Variants in GSR observed in about 807,000 individuals in gnomAD.
GSR encodes the protein glutathione-disulfide reductase, also known as glutathione reductase, mitochondrial.
GSR carries 48 observed loss-of-function variants against 56.5 expected under a neutral mutation model. That is an observed-to-expected ratio of 0.85 (90% CI 0.67 to 1.08). The LOEUF is 1.08. GSR is among the 50% of genes least tolerant of loss of function. The pLI, the probability that GSR is intolerant of heterozygous loss-of-function variation, is 0.00. For synonymous variants in GSR, 264 were observed against 270.8 expected, an observed-to-expected ratio of 0.97 and a Z score of 0.25; for missense variants, 694 against 703.3, an observed-to-expected ratio of 0.99 and a Z score of 0.15.
At chr8:30,690,144 A>G (rs1464511065) in intron 8 of GSR, among the ~76,000 whole-genome samples, 1 of 128,314 alleles carries the variant, frequency 7.8e-6, no homozygotes, top group Admixed American at 9.7e-5. Flanking sequence ...ACATTTACAT[A>G]TAAATAAAAT....
At chr8:30,725,218 C>T (rs1190745521) in intron 1 of GSR, among the ~76,000 whole-genome samples, 1 of 150,992 alleles carries the variant, frequency 6.6e-6, no homozygotes, top group Non-Finnish European at 1.5e-5. Flanking sequence ...CAAGGCAGGC[C>T]GACTGCTTAA....
intron 9 of GSR, among the ~76,000 whole-genome samples, chr8:30,688,350 G>A (rs1418843401): frequency 6.6e-6 from 1 of 152,124 alleles, no homozygotes; most frequent in Non-Finnish European, 1.5e-5. Flanking sequence ...AGGCCGAGGT[G>A]GAAGGATCAC....
chr8:30,702,464 A>T (rs1372592032), intron 5 of GSR, among the ~76,000 whole-genome samples: 1 of 152,224 alleles, frequency 6.6e-6, no homozygotes, highest in Non-Finnish European at 1.5e-5. Context: ...TAGCTACTCA[A>T]GCTACATCCT....
Position 30,684,186 on chromosome 8 carries a change from T to C in GSR, c.1055A>G (p.Asp352Gly), listed in dbSNP as rs773405126. ...LSLNKLGIQTDDKGHIIVDEF... is the reference protein window; with the variant it reads ...LSLNKLGIQTGDKGHIIVDEF... ...GTCTACGATGATATGACCCTTGTCA[T>C]CGGTTTGAATCCCCTAAAATTACAA... The change falls in exon 10 of 13, where the codon GAT becomes GGT. Residue 352 changes from aspartate (D) to glycine (G), a missense_variant. By Grantham distance (94) the Asp-to-Gly change is moderately conservative. Coordinates refer to ENST00000221130, the MANE Select transcript of GSR (RefSeq NM_000637.5). The C allele has an allele frequency of 1.9e-6, 3 of 1,591,538 alleles. No homozygotes were observed. Among genetic ancestry groups the C allele is most frequent in the Non-Finnish European group, 2.6e-6 (3 of 1,159,376 alleles).
chr8:30,688,310 G>A (rs8191009), intron 9 of GSR, among the ~76,000 whole-genome samples: 28,398 of 152,148 alleles, frequency 0.19, 2,920 homozygotes, highest in East Asian at 0.34. Context: ...TGGGCATGGA[G>A]GCTCATGTTT....
intron 1 of GSR, 29 bp downstream of exon 1, chr8:30,727,501 C>T: frequency 6.5e-7 from 1 of 1,530,094 alleles, no homozygotes; most frequent in Non-Finnish European, 8.8e-7. Flanking sequence ...AAGAGGCGCC[C>T]CCCGCCCGAA....
chr8:30,725,422 G>C (rs1210545087), intron 1 of GSR, among the ~76,000 whole-genome samples: 1 of 151,112 alleles, frequency 6.6e-6, no homozygotes, highest in Non-Finnish European at 1.5e-5. Flanking sequence ...AAGTTAGCTG[G>C]GTGTAGTGGC....
Position 30,692,997 on chromosome 8 carries a change from G to T in GSR, c.854C>A (p.Ala285Asp). ...GGAGAACTTCAGCACCTCCACGCCAGCGTTCTCCAGCTCCTCCGTGCAGTT... is the reference window on the plus strand; with the variant it reads ...GGAGAACTTCAGCACCTCCACGCCATCGTTCTCCAGCTCCTCCGTGCAGTT... ...STNCTEELEN[A>D]GVEVLKFSQV... The change falls in exon 8 of 13, where the codon GCT becomes GAT. Residue 285 changes from alanine (A) to aspartate (D), a missense_variant. Ala to Asp is a moderately radical substitution (Grantham distance 126). Transcript: ENST00000221130. 6.2e-7 allele frequency: 1 copy of T among 1,612,546 alleles called. No individual in the cohort carries two copies. The highest frequency in any genetic ancestry group is 1.3e-5 in the African/African-American group (1 of 75,020).
At chr8:30,696,726 G>T (rs1177550456) in intron 6 of GSR, among the ~76,000 whole-genome samples, 1 of 151,930 alleles carries the variant, frequency 6.6e-6, no homozygotes, top group East Asian at 1.9e-4. Flanking sequence ...TTGAGACAGG[G>T]TCTCTGTCAC....
At chr8:30,708,004 G>T in intron 4 of GSR, 68 bp downstream of exon 4, 4 of 961,856 alleles carry the variant, frequency 4.2e-6, no homozygotes, top group Non-Finnish European at 6.8e-6. Flanking sequence ...CTACAGTCTG[G>T]CAAGACTTAG....
chr8:30,696,313 A>T, intron 7 of GSR, 67 bp downstream of exon 7: 1 of 1,111,018 alleles, frequency 9.0e-7, no homozygotes, highest in Non-Finnish European at 1.4e-6. Flanking sequence ...TAACGACAAC[A>T]TAAGAAAAAA....
intron 1 of GSR, among the ~76,000 whole-genome samples, chr8:30,717,694 A>G (rs1459507099): frequency 6.6e-6 from 1 of 151,908 alleles, no homozygotes; most frequent in Non-Finnish European, 1.5e-5. Context: ...GATGGGACCA[A>G]CTAGTTGCAG....
intron 7 of GSR, among the ~76,000 whole-genome samples, chr8:30,693,305 C>G (rs964243852): frequency 2.6e-5 from 4 of 152,168 alleles, no homozygotes; most frequent in African/African-American, 9.7e-5. Context: ...CTGTCTTCTC[C>G]TCACAAAGCT....
At chr8:30,727,346 C>T (rs1435260440) in intron 1 of GSR, among the ~76,000 whole-genome samples, 184 bp downstream of exon 1, 1 of 152,230 alleles carries the variant, frequency 6.6e-6, no homozygotes, top group South Asian at 2.1e-4. Context: ...CGCAGAGAAG[C>T]CCCCGGACGC....
At chr8:30,688,682 T>G (rs1272698423) in intron 9 of GSR, among the ~76,000 whole-genome samples, 1 of 150,580 alleles carries the variant, frequency 6.6e-6, no homozygotes, top group Non-Finnish European at 1.5e-5. Flanking sequence ...CCCAGCACTC[T>G]GGGAGGCTGA....
intron 7 of GSR, among the ~76,000 whole-genome samples, chr8:30,693,441 T>G (rs1439693400): frequency 4.6e-5 from 7 of 152,184 alleles, no homozygotes; most frequent in Non-Finnish European, 1.0e-4. Context: ...TAGCCATAAA[T>G]CTCAACAGTA....
intron 3 of GSR, among the ~76,000 whole-genome samples, chr8:30,709,613 G>C (rs1044917571): frequency 1.3e-5 from 2 of 152,096 alleles, no homozygotes; most frequent in East Asian, 3.8e-4. Flanking sequence ...TTCTGGAAGT[G>C]GTAATAGTGG....
chr8:30,700,702 A>G, intron 5 of GSR, among the ~76,000 whole-genome samples: 1 of 127,032 alleles, frequency 7.9e-6, no homozygotes, highest in South Asian at 2.9e-4. Context: ...CCAGCCTGGG[A>G]ACAGAGCAAG....
chr8:30,723,407 G>A (rs1347180670), intron 1 of GSR, among the ~76,000 whole-genome samples: 2 of 152,092 alleles, frequency 1.3e-5, no homozygotes, highest in Admixed American at 6.6e-5. Flanking sequence ...TGGGAGGATC[G>A]CTTGAGCCCA....
Sources: gnomAD v4.1 joint callset for allele counts (sites outside exome capture counted in the v4.1 genomes callset) on GRCh38, gnomAD v4.1.1 for gene constraint, MANE v1.5 for transcripts, NCBI Gene and HGNC (gene_info 2026-07-23, HGNC 2026-07-21) for gene names.